The following CCDC83 variants were observed in gnomAD, a reference collection of about 807,000 sequenced individuals.
CCDC83 encodes the protein coiled-coil domain-containing protein 83.
In CCDC83, 54 loss-of-function variants were observed where a neutral mutation model predicts 50.1. The observed-to-expected ratio is 1.08, with a 90% CI of 0.87 to 1.35. The LOEUF is 1.35. Among genes scored for constraint, CCDC83 ranks in the 40% most tolerant of loss-of-function variants. The pLI, the probability that CCDC83 is intolerant of heterozygous loss-of-function variation, is 0.00. For missense variants in CCDC83, 518 were observed against 473.9 expected (o/e 1.09, Z -0.86); for synonymous variants, 161 against 153.3 (o/e 1.05, Z -0.37).
intron 1 of CCDC83, among the ~76,000 whole-genome samples, chr11:85,857,470 G>A (rs989573835): frequency 6.6e-6 from 1 of 152,066 alleles, no homozygotes; most frequent in African/African-American, 2.4e-5. Context: ...CGTGATTCTG[G>A]ATGTCGCTTG....
chr11:85,901,470 G>A lies in CCDC83; in HGVS notation c.672+2455G>A, dbSNP rs538265329. ...CACCCGTAGTCCCAAATACCCAGGA[G>A]GCTGAAGTGGGAGAACTGCTTCAGC... On this transcript the variant is annotated intron_variant, in intron 7 of 10. Transcript: ENST00000342404. Among the ~76,000 whole-genome samples, 10 of 152,054 alleles carry A rather than the reference G, an allele frequency of 6.6e-5. No homozygotes were observed. The South Asian group carries it at 2.1e-3, about 32-fold the overall frequency.
intron 8 of CCDC83, chr11:85,912,568 C>G: frequency 2.5e-6 from 2 of 812,804 alleles, no homozygotes; most frequent in South Asian, 1.4e-5. Context: ...AGCTGATGCC[C>G]TAGAGGGCCC....
intron 7 of CCDC83, 111 bp downstream of exon 7, chr11:85,899,126 T>C (rs1437653414): frequency 2.8e-6 from 2 of 720,742 alleles, no homozygotes; most frequent in African/African-American, 1.8e-5. Context: ...CATGACTGAC[T>C]GAGACAAAAT....
intron 3 of CCDC83, among the ~76,000 whole-genome samples, chr11:85,873,680 T>C (rs2093253144): frequency 6.6e-6 from 1 of 152,224 alleles, no homozygotes; most frequent in African/African-American, 2.4e-5. Flanking sequence ...AGTATGCGTA[T>C]GTAAATACCA....
chr11:85,887,906 A>G (rs74440131), intron 5 of CCDC83, among the ~76,000 whole-genome samples: 40,785 of 150,616 alleles, frequency 0.27, 5,890 homozygotes, highest in African/African-American at 0.3. Flanking sequence ...AGGCTCAAAC[A>G]ATCCTCCCAT....
chr11:85,865,707 G>A (rs934330999), intron 2 of CCDC83, among the ~76,000 whole-genome samples: 4 of 152,170 alleles, frequency 2.6e-5, no homozygotes, highest in Admixed American at 2.6e-4. Context: ...GACCAACATG[G>A]TGAAACCAGG....
Position 85,898,933 on chromosome 11 carries a change from A to G in CCDC83, c.604-14A>G. ...ATGTGGCAACTCTTCCTTAATCCAGAAACTTTCTTTTAGAATGCTGTAAAG... is the reference window on the plus strand; with the variant it reads ...ATGTGGCAACTCTTCCTTAATCCAGGAACTTTCTTTTAGAATGCTGTAAAG... On this transcript the variant is annotated splice_polypyrimidine_tract_variant and intron_variant, in intron 6 of 10. Transcript: ENST00000342404. 1 of 1,598,480 alleles carries G rather than the reference A, an allele frequency of 6.3e-7. No individual in the cohort carries two copies.
intron 10 of CCDC83, among the ~76,000 whole-genome samples, chr11:85,918,293 A>T (rs925107440): frequency 5.3e-5 from 8 of 152,162 alleles, no homozygotes; most frequent in Admixed American, 4.6e-4. Flanking sequence ...AAGAAAATCA[A>T]CAAGTACCAT....
At chr11:85,860,897 C>G (rs901843089) in intron 1 of CCDC83, among the ~76,000 whole-genome samples, 2 of 152,160 alleles carry the variant, frequency 1.3e-5, no homozygotes. Flanking sequence ...AAAAGCAATA[C>G]TGCATGTTCT....
chr11:85,917,262 G>GGAAGGAAGGAAGGAAA (rs1468941104), intron 10 of CCDC83, among the ~76,000 whole-genome samples: 1 of 132,212 alleles, frequency 7.6e-6, no homozygotes, highest in African/African-American at 2.6e-5. Flanking sequence ...AGGAAAGGAA[G>GGAAGGAAGGAAGGAAA]GAAGGAAGGA....
intron 2 of CCDC83, among the ~76,000 whole-genome samples, chr11:85,872,490 A>C (rs1718003800): frequency 6.6e-6 from 1 of 151,690 alleles, no homozygotes; most frequent in Non-Finnish European, 1.5e-5. Context: ...ATCTCAAAAC[A>C]ACAACAACAA....
At position 85,886,373 on chromosome 11, in the gene CCDC83, T is replaced by C. The variant is rs1393075041; in HGVS notation, c.511+6T>C. ...GAATGCAGAGAAAATGTCAGGTCAG[T>C]TGCAACAAAACTAGTTCAAGTTCAG... is the stretch of plus-strand genomic sequence containing the variant. On this transcript the variant is annotated splice_donor_region_variant and intron_variant, in intron 5 of 10. Transcript: ENST00000342404. The C allele has an allele frequency of 6.4e-7, 1 of 1,574,700 alleles. No individual in the cohort carries two copies. Among genetic ancestry groups the C allele is most frequent in the South Asian group, 1.2e-5 (1 of 83,828 alleles).
chr11:85,860,301 C>CAA (rs56657675), intron 1 of CCDC83, among the ~76,000 whole-genome samples: 1,849 of 55,250 alleles, frequency 0.033, 24 homozygotes, highest in Non-Finnish European at 0.047. Context: ...GACTCCGTCT[C>CAA]AAAAAAAAAA....
Position 85,916,125 on chromosome 11 carries a change from C to T in CCDC83, c.972C>T (p.Ser324=). The T allele has an allele frequency of 6.2e-7, 1 of 1,612,712 alleles. No homozygotes were observed. Among genetic ancestry groups the T allele is most frequent in the South Asian group, 1.1e-5 (1 of 91,036 alleles). The change falls in exon 10 of 11, where the codon AGC becomes AGT. Residue 324 remains serine (S), a synonymous_variant. Coordinates refer to ENST00000342404, the MANE Select transcript of CCDC83 (RefSeq NM_001286159.2). ...TCTTACATCTTAGTCATGAAAATAG[C>T]ATCGAAGATCTCCAGTATGTGAAGA... ...STILHLSHEN[S]IEDLQYVKID...
intron 5 of CCDC83, among the ~76,000 whole-genome samples, chr11:85,894,891 C>T (rs2093365608): frequency 6.6e-6 from 1 of 152,148 alleles, no homozygotes; most frequent in Admixed American, 6.5e-5. Context: ...CTTTCAAGGC[C>T]TAAAATTTTA....
chr11:85,893,415 G>C (rs2093358837), intron 5 of CCDC83, among the ~76,000 whole-genome samples: 1 of 152,180 alleles, frequency 6.6e-6, no homozygotes, highest in Non-Finnish European at 1.5e-5. Flanking sequence ...TGAAAGACCA[G>C]ACCTGCAGAT....
intron 5 of CCDC83, among the ~76,000 whole-genome samples, chr11:85,891,424 T>TA (rs1160802457): frequency 1.3e-5 from 2 of 152,176 alleles, no homozygotes; most frequent in Non-Finnish European, 2.9e-5. Flanking sequence ...AAACAGTCAC[T>TA]AACATATCCA....
intron 1 of CCDC83, among the ~76,000 whole-genome samples, chr11:85,861,774 C>A (rs2093177334): frequency 6.6e-6 from 1 of 151,684 alleles, no homozygotes. Flanking sequence ...TTTGGGAGGC[C>A]AAAGTGGGTG....
chr11:85,897,928 G>A (rs538019902), intron 6 of CCDC83, among the ~76,000 whole-genome samples: 9 of 152,098 alleles, frequency 5.9e-5, no homozygotes, highest in Non-Finnish European at 1.0e-4. Flanking sequence ...AGGCCAAGGC[G>A]GGTGGATCAC....
Sources: gnomAD v4.1 joint callset for allele counts (sites outside exome capture counted in the v4.1 genomes callset) on GRCh38, gnomAD v4.1.1 for gene constraint, MANE v1.5 for transcripts, NCBI Gene and HGNC (gene_info 2026-07-23, HGNC 2026-07-21) for gene names.